Variants in ADAMTS2 observed in about 807,000 individuals in gnomAD.
The protein encoded by ADAMTS2 is ADAM metallopeptidase with thrombospondin type 1 motif 2.
In ADAMTS2, 50 loss-of-function variants were observed where a neutral mutation model predicts 123.0. The ratio of observed to expected loss-of-function variants is 0.41; its 90% CI spans 0.32 to 0.51. The LOEUF (loss-of-function observed/expected upper bound fraction) is 0.51, where lower values mean the gene tolerates loss of function less well. ADAMTS2 is among the 20% of genes least tolerant of loss of function. The pLI, the probability that ADAMTS2 is intolerant of heterozygous loss-of-function variation, is 0.35. For missense variants in ADAMTS2, 1,494 were observed against 1,705.2 expected, an observed-to-expected ratio of 0.88 and a Z score of 2.18; for synonymous variants, 678 against 695.4, an observed-to-expected ratio of 0.98 and a Z score of 0.39.
intron 3 of ADAMTS2, among the ~76,000 whole-genome samples, chr5:179,270,881 C>A (rs1766514687): frequency 6.6e-6 from 1 of 152,204 alleles, no homozygotes; most frequent in Non-Finnish European, 1.5e-5. Flanking sequence ...TTGGCCCCAG[C>A]CCCAAGTTCT....
intron 3 of ADAMTS2, among the ~76,000 whole-genome samples, chr5:179,209,652 T>A (rs1764806588): frequency 6.6e-6 from 1 of 150,956 alleles, no homozygotes; most frequent in African/African-American, 2.5e-5. Flanking sequence ...GGGACAGGGG[T>A]GGGGCCGGCA....
chr5:179,188,795 C>G lies in ADAMTS2; in HGVS notation c.892-7640G>C, dbSNP rs935188573. Among the ~76,000 whole-genome samples the G allele has an allele frequency of 1.3e-5, 2 of 152,120 alleles. No individual in the cohort carries two copies. The highest frequency in any genetic ancestry group is 4.8e-5 in the African/African-American group (2 of 41,416). The stretch of plus-strand genomic sequence containing the variant: ...CTCTGCAGATGCCTCAGGGTGGGGA[C>G]GGGGCTCCTCCACTTCCAGGCCAGC... On this transcript the variant is annotated intron_variant, in intron 4 of 21. Coordinates refer to ENST00000251582, the MANE Select transcript of ADAMTS2 (RefSeq NM_014244.5). This position sits in a 1 kb window ranked among gnomAD's most constrained non-coding sequence, Gnocchi z 5.1.
chr5:179,220,064 C>G (rs1019266122), intron 3 of ADAMTS2, among the ~76,000 whole-genome samples: 1 of 152,278 alleles, frequency 6.6e-6, no homozygotes, highest in African/African-American at 2.4e-5. Context: ...CAAGCCTTCC[C>G]TCTGCTGGGC....
rs566349187 is a variant in ADAMTS2 at position 179,256,869 on chromosome 5, C to T, written c.688+16042G>A. Reference sequence around the variant, plus strand: ...TCAAATAAAACATTGCGGGGTGGGGCGGCGAGGCCGCCCAAGAGCTGCAGG... The same window carrying T: ...TCAAATAAAACATTGCGGGGTGGGGTGGCGAGGCCGCCCAAGAGCTGCAGG... On this transcript the variant is annotated intron_variant, in intron 3 of 21. Coordinates refer to ENST00000251582, the MANE Select transcript of ADAMTS2 (RefSeq NM_014244.5). The surrounding 1 kb of genome is among the most constrained non-coding windows in gnomAD (Gnocchi z 4.1). Among the ~76,000 whole-genome samples the T allele has an allele frequency of 2.6e-5, 4 of 152,342 alleles. No individual in the cohort carries two copies. The East Asian group carries it at 5.8e-4, about 22-fold the overall frequency.
intron 2 of ADAMTS2, among the ~76,000 whole-genome samples, chr5:179,273,949 C>A (rs1766618510): frequency 6.6e-6 from 1 of 152,070 alleles, no homozygotes; most frequent in Non-Finnish European, 1.5e-5. Context: ...CCCTGCCGAG[C>A]CACCCAGCCC....
At chr5:179,145,779 A>G (rs1202075942) in intron 10 of ADAMTS2, among the ~76,000 whole-genome samples, 1 of 152,214 alleles carries the variant, frequency 6.6e-6, no homozygotes, top group Non-Finnish European at 1.5e-5. Flanking sequence ...AAAATGTTCC[A>G]GCGCTTGTTT....
At chr5:179,289,549 C>T (rs867245561) in intron 2 of ADAMTS2, among the ~76,000 whole-genome samples, 4 of 152,162 alleles carry the variant, frequency 2.6e-5, no homozygotes, top group African/African-American at 7.2e-5. Flanking sequence ...GCTCACATCA[C>T]GTCACAGCAG....
chr5:179,202,238 C>A lies in ADAMTS2; in HGVS notation c.891+5275G>T, dbSNP rs1045199450. ...CCTGCTTGACAGGCCAGGCTGCCTC[C>A]ATTCTTCCAGCCGGCCCCATTCCTG... On this transcript the variant is annotated intron_variant, in intron 4 of 21. Transcript: ENST00000251582. This position sits in a 1 kb window ranked among gnomAD's most constrained non-coding sequence, Gnocchi z 4.0. Among the ~76,000 whole-genome samples, 1 of 152,114 alleles carries A rather than the reference C, an allele frequency of 6.6e-6. No homozygotes were observed. Among genetic ancestry groups the A allele is most frequent in the Non-Finnish European group, 1.5e-5 (1 of 68,014 alleles).
rs1252897122 is a variant in ADAMTS2, at chr5:179,303,112, T to C, written c.535-30048A>G. Among the ~76,000 whole-genome samples, 1 of 151,876 alleles carries C rather than the reference T, an allele frequency of 6.6e-6. No individual in the cohort carries two copies. The highest frequency in any genetic ancestry group is 1.5e-5 in the Non-Finnish European group (1 of 67,946). ...TGTGCAGTGGGCAGCCCCTGGAGGG[T>C]GGAAGAGACCTGATTCCCCTGTCAG... On this transcript the variant is annotated intron_variant, in intron 2 of 21. Coordinates refer to ENST00000251582, the MANE Select transcript of ADAMTS2 (RefSeq NM_014244.5). The surrounding 1 kb of genome is among the most constrained non-coding windows in gnomAD (Gnocchi z 4.7).
chr5:179,289,779 T>C (rs974400467), intron 2 of ADAMTS2, among the ~76,000 whole-genome samples: 1 of 152,200 alleles, frequency 6.6e-6, no homozygotes, highest in African/African-American at 2.4e-5. Context: ...AGTCCCAGCG[T>C]GGTGCCCTAC....
At chr5:179,311,250 C>T (rs1561725197) in intron 2 of ADAMTS2, among the ~76,000 whole-genome samples, 1 of 152,220 alleles carries the variant, frequency 6.6e-6, no homozygotes, top group Non-Finnish European at 1.5e-5. Flanking sequence ...GTGGAGCTGG[C>T]CTCTGGCTGG....
At chr5:179,184,703 C>T (rs1764130402) in intron 4 of ADAMTS2, among the ~76,000 whole-genome samples, 2 of 152,076 alleles carry the variant, frequency 1.3e-5, no homozygotes, top group African/African-American at 4.8e-5. Context: ...CCCTGGGACC[C>T]AGAATGGCCT....
intron 2 of ADAMTS2, among the ~76,000 whole-genome samples, chr5:179,321,326 C>T (rs1282834365): frequency 6.6e-6 from 1 of 152,148 alleles, no homozygotes; most frequent in East Asian, 1.9e-4. Context: ...GATGTCTGCC[C>T]CACCGCAGCA....
intron 3 of ADAMTS2, among the ~76,000 whole-genome samples, chr5:179,254,592 A>G (rs1343800838): frequency 6.6e-6 from 1 of 152,174 alleles, no homozygotes; most frequent in Non-Finnish European, 1.5e-5. Context: ...AGAGGCCCAG[A>G]TGGGTGAAGT....
At chr5:179,336,138 T>C (rs1270465291) in intron 2 of ADAMTS2, among the ~76,000 whole-genome samples, 2 of 152,212 alleles carry the variant, frequency 1.3e-5, no homozygotes, top group Non-Finnish European at 1.5e-5. Flanking sequence ...TCCCAACCCC[T>C]GAACTGAGGA....
intron 3 of ADAMTS2, among the ~76,000 whole-genome samples, chr5:179,223,741 G>C (rs1273326075): frequency 1.3e-5 from 2 of 152,186 alleles, no homozygotes; most frequent in African/African-American, 4.8e-5. Context: ...CATCACATGT[G>C]AGTGTATGTG....
intron 17 of ADAMTS2, among the ~76,000 whole-genome samples, chr5:179,126,862 CGAG>C (rs1385046203): frequency 2.0e-5 from 3 of 151,788 alleles, no homozygotes; most frequent in Non-Finnish European, 4.4e-5. Flanking sequence ...GGGGCTCAGG[CGAG>C]GAGAAGCCTG....
intron 4 of ADAMTS2, among the ~76,000 whole-genome samples, chr5:179,194,529 G>T (rs1242335447): frequency 6.6e-6 from 1 of 152,186 alleles, no homozygotes; most frequent in Non-Finnish European, 1.5e-5. Context: ...GTGGCCAGGG[G>T]ACTCCAAATG....
At chr5:179,274,286 C>G (rs1766631137) in intron 2 of ADAMTS2, among the ~76,000 whole-genome samples, 1 of 152,226 alleles carries the variant, frequency 6.6e-6, no homozygotes, top group South Asian at 2.1e-4. Context: ...CAGAGTGTTT[C>G]CTTCAGATCA....
Sources: gnomAD v4.1 joint callset for allele counts (sites outside exome capture counted in the v4.1 genomes callset) on GRCh38, gnomAD v4.1.1 for gene constraint, Gnocchi (gnomAD v3.1) non-coding constraint, MANE v1.5 for transcripts, NCBI Gene and HGNC (gene_info 2026-07-23, HGNC 2026-07-21) for gene names.